The following FOCAD variants were observed in gnomAD, a reference collection of about 807,000 sequenced individuals.
FOCAD encodes the protein KIAA1797.
FOCAD carries 198 observed loss-of-function variants against 225.6 expected under a neutral mutation model. The observed-to-expected ratio is 0.88, with a 90% CI of 0.78 to 0.99. FOCAD has a LOEUF of 0.99. Ranked by LOEUF, FOCAD falls within the 50% of genes least tolerant of loss-of-function variation. FOCAD has a pLI of 0.00. For missense variants in FOCAD, 2,713 were observed against 2,123.6 expected, an observed-to-expected ratio of 1.28 and a Z score of -5.46; for synonymous variants, 897 against 755.0, an observed-to-expected ratio of 1.19 and a Z score of -3.08.
intron 1 of FOCAD, among the ~76,000 whole-genome samples, chr9:20,711,351 T>C (rs16938133): frequency 0.059 from 8,989 of 152,168 alleles, 918 homozygotes; most frequent in African/African-American, 0.2. Flanking sequence ...GTAAGACTGT[T>C]GATAGGAAGG....
chr9:20,976,598 C>A, intron 36 of FOCAD, 50 bp downstream of exon 36: 1 of 1,577,368 alleles, frequency 6.3e-7, no homozygotes, highest in Non-Finnish European at 8.7e-7. Flanking sequence ...TAGTATTTGA[C>A]CTGAATGGAA....
intron 15 of FOCAD, among the ~76,000 whole-genome samples, chr9:20,855,072 G>C (rs1463083446): frequency 2.0e-5 from 3 of 151,544 alleles, no homozygotes. Context: ...GTTATATCTG[G>C]AAGAATGCAA....
chr9:20,756,789 C>T (rs935342741), intron 5 of FOCAD, among the ~76,000 whole-genome samples: 3 of 152,162 alleles, frequency 2.0e-5, no homozygotes, highest in Non-Finnish European at 4.4e-5. Context: ...CTGAGTGTAA[C>T]TGATGGTCTG....
intron 2 of FOCAD, among the ~76,000 whole-genome samples, chr9:20,676,182 T>G (rs551330650): frequency 1.3e-5 from 2 of 152,334 alleles, no homozygotes; most frequent in African/African-American, 4.8e-5. Flanking sequence ...AGAAAGTGTT[T>G]GAATCTATTG....
intron 5 of FOCAD, among the ~76,000 whole-genome samples, chr9:20,754,296 A>T (rs1275146695): frequency 1.3e-5 from 2 of 152,210 alleles, no homozygotes; most frequent in South Asian, 2.1e-4. Context: ...TAATTTTTTA[A>T]GTAGGAAAAT....
At chr9:20,714,070 G>A (rs576509384) in intron 1 of FOCAD, among the ~76,000 whole-genome samples, 2 of 152,260 alleles carry the variant, frequency 1.3e-5, no homozygotes, top group East Asian at 3.9e-4. Context: ...TTGGATAAAA[G>A]GGTGGAAAGT....
In FOCAD at chr9:20,865,988, A is replaced by G. The variant is rs984452042; in HGVS notation, c.2106+12A>G. 1.4e-5 allele frequency: 22 copies of G among 1,598,448 alleles called. No homozygotes were observed. The highest frequency in any genetic ancestry group is 1.6e-5 in the Non-Finnish European group (19 of 1,171,688). ...ATACTCAAAACAAGGTACTATCACA[A>G]GGCTTGTCAGTGAATCAGAACAAAG... On this transcript the variant is annotated intron_variant, in intron 17 of 43. Transcript: ENST00000338382.
At chr9:20,929,207 A>G in intron 26 of FOCAD, 151 bp from the exon 27 acceptor site, 1 of 594,500 alleles carries the variant, frequency 1.7e-6, no homozygotes, top group Admixed American at 3.0e-5. Context: ...TCTATAGACA[A>G]AAACGTTTGG....
At chr9:20,928,699 T>C (rs1835184264) in intron 26 of FOCAD, among the ~76,000 whole-genome samples, 1 of 152,178 alleles carries the variant, frequency 6.6e-6, no homozygotes, top group Admixed American at 6.5e-5. Flanking sequence ...GAGCTCTCCA[T>C]TTCATTTTGA....
chr9:20,777,585 A>G (rs1478164888), intron 8 of FOCAD, among the ~76,000 whole-genome samples: 1 of 152,074 alleles, frequency 6.6e-6, no homozygotes, highest in East Asian at 1.9e-4. Context: ...CTACATTTAA[A>G]TATGCTTAAT....
chr9:20,919,988 A>C (rs200702901), intron 24 of FOCAD, among the ~76,000 whole-genome samples: 2 of 151,850 alleles, frequency 1.3e-5, no homozygotes, highest in Non-Finnish European at 2.9e-5. Flanking sequence ...AAAGAGCTTC[A>C]GCACAGCAAA....
intron 19 of FOCAD, chr9:20,875,054 A>G: frequency 2.3e-6 from 1 of 432,876 alleles, no homozygotes; most frequent in Non-Finnish European, 4.1e-6. Context: ...GTGTTCACTG[A>G]TAATTAAAAT....
At chr9:20,798,144 T>TAC (rs1383023768) in intron 11 of FOCAD, among the ~76,000 whole-genome samples, 3 of 152,210 alleles carry the variant, frequency 2.0e-5, no homozygotes, top group Admixed American at 2.0e-4. Flanking sequence ...TATGCTGGAT[T>TAC]ACATTTATTG....
intron 35 of FOCAD, among the ~76,000 whole-genome samples, chr9:20,975,916 G>T (rs1840187922): frequency 1.3e-5 from 2 of 152,152 alleles, no homozygotes; most frequent in South Asian, 4.1e-4. Flanking sequence ...AGAGAAGGAG[G>T]ATGGGGCAAT....
chr9:20,886,131 CAAG>C (rs1159114715), intron 21 of FOCAD, among the ~76,000 whole-genome samples: 1 of 152,144 alleles, frequency 6.6e-6, no homozygotes, highest in Non-Finnish European at 1.5e-5. Flanking sequence ...GAGGGTTTTT[CAAG>C]ACCCATCTTT....
intron 41 of FOCAD, 112 bp downstream of exon 41, chr9:20,988,541 T>C: frequency 4.8e-6 from 1 of 206,978 alleles, no homozygotes; most frequent in Non-Finnish European, 1.1e-5. Flanking sequence ...CAATTACTTT[T>C]GCACCAACCT....
chr9:20,657,056 T>C (rs1434305946), upstream of FOCAD, among the ~76,000 whole-genome samples: 1 of 152,216 alleles, frequency 6.6e-6, no homozygotes, highest in Non-Finnish European at 1.5e-5. Context: ...TGGCTGGATA[T>C]GAAATTCTGG....
rs535879264 is a variant in FOCAD at position 20,758,113 on chromosome 9, C to A, written c.416C>A (p.Thr139Asn). Residue 139 changes from threonine (T) to asparagine (N), a missense_variant, in exon 6 of 44, where the codon ACT (threonine) becomes AAT (asparagine). Thr to Asn is a moderately conservative substitution (Grantham distance 65, BLOSUM62 0). Transcript: ENST00000338382. ...TIRNHPHPLI[T>N]VLEHRPDCWP... ...AGAAATCATCCTCATCCTTTGATAA[C>A]TGTGCTTGAACACAGACCTGATTGC... The A allele has an allele frequency of 6.2e-7, 1 of 1,609,808 alleles. No individual in the cohort carries two copies. The highest frequency in any genetic ancestry group is 2.2e-5 in the East Asian group (1 of 44,702).
At chr9:20,846,057 A>G (rs1271021799) in intron 15 of FOCAD, among the ~76,000 whole-genome samples, 1 of 152,116 alleles carries the variant, frequency 6.6e-6, no homozygotes, top group Non-Finnish European at 1.5e-5. Context: ...GTGCTCAGAT[A>G]TCTTCTAGAC....
Sources: gnomAD v4.1 joint callset for allele counts (sites outside exome capture counted in the v4.1 genomes callset) on GRCh38, gnomAD v4.1.1 for gene constraint, MANE v1.5 for transcripts, NCBI Gene and HGNC (gene_info 2026-07-23, HGNC 2026-07-21) for gene names.